ACOT11: variants seen among roughly 807,000 people sequenced by gnomAD.
ACOT11 encodes acyl-CoA thioesterase 11.
A neutral mutation model predicts 77.5 loss-of-function variants in ACOT11; 69 were observed. That is an observed-to-expected ratio of 0.89 (90% CI 0.73 to 1.09). ACOT11 has a LOEUF of 1.09. Among genes scored for constraint, ACOT11 ranks in the 50% least tolerant of loss-of-function variants. ACOT11 has a pLI of 0.00. For synonymous variants in ACOT11, 279 were observed against 313.0 expected (o/e 0.89, Z 1.15); for missense variants, 766 against 813.7 (o/e 0.94, Z 0.71).
At chr1:54,594,129 T>G in intron 5 of ACOT11, 90 bp downstream of exon 5, 1 of 1,201,936 alleles carries the variant, frequency 8.3e-7, no homozygotes, top group Non-Finnish European at 1.2e-6. Context: ...AGGTTAGGGG[T>G]TGGCAGAGGG....
chr1:54,611,028 T>C, downstream of ACOT11: 1 of 985,296 alleles, frequency 1.0e-6, no homozygotes. Context: ...GGGTTTGGAA[T>C]TTGCTGGTTT....
intron 15 of ACOT11, among the ~76,000 whole-genome samples, chr1:54,617,843 C>A (rs1644189974): frequency 1.3e-5 from 2 of 150,698 alleles, no homozygotes; most frequent in Non-Finnish European, 2.9e-5. Flanking sequence ...CCTGCCTCAG[C>A]CTCCTGAGTA....
chr1:54,605,835 T>G (rs1370740440), intron 13 of ACOT11, among the ~76,000 whole-genome samples: 1 of 152,214 alleles, frequency 6.6e-6, no homozygotes, highest in African/African-American at 2.4e-5. Context: ...ATAAATATGT[T>G]CTTAGGAAAA....
At chr1:54,595,281 G>T (rs1654859223) in intron 6 of ACOT11, among the ~76,000 whole-genome samples, 1 of 150,960 alleles carries the variant, frequency 6.6e-6, no homozygotes, top group African/African-American at 2.4e-5. Context: ...GGGAGGCGGA[G>T]ATTGCAGTGA....
rs1232444998 is a variant in ACOT11, at chr1:54,609,001, G to A, written c.1674G>A (p.Val558=). 6.2e-7 allele frequency: 1 copy of A among 1,613,922 alleles called. No individual in the cohort carries two copies. The highest frequency in any genetic ancestry group is 8.5e-7 in the Non-Finnish European group (1 of 1,179,970). The part of the protein sequence containing the change: ...NQATPGVLNY[V]TTNVAGLSSE... ...CCACCCCAGGTGTTCTCAACTATGT[G>A]ACCACCAACGTGGCCGGCCTCTCCT... Residue 558 remains valine, a synonymous_variant, in exon 16 of 16, where the codon GTG becomes GTA. Transcript: ENST00000343744.
At position 54,548,455 on chromosome 1, in the gene ACOT11, G is replaced by A. The variant is rs528580616; in HGVS notation, c.33+113G>A. ...CTGCATCTCCTCACACTCTCCACGGGCCATTTTCTAGCTCTCTTTGGAAGG... is the reference window on the plus strand; with the variant it reads ...CTGCATCTCCTCACACTCTCCACGGACCATTTTCTAGCTCTCTTTGGAAGG... On this transcript the variant is annotated intron_variant, in intron 1 of 15. Coordinates refer to ENST00000343744, the MANE Select transcript of ACOT11 (RefSeq NM_147161.4). 284 of 1,316,972 alleles carry A rather than the reference G, an allele frequency of 2.2e-4. 1 individual carries two copies. In the African/African-American group the frequency reaches 3.6e-3, roughly 17 times the overall value. The allele number at this position is 1,316,972 out of a possible 1,614,324, so 81.6% of individuals were successfully genotyped here. A position where few individuals can be genotyped will look rare whatever the true frequency, so the allele number is the denominator to read the frequency against.
intron 1 of ACOT11, among the ~76,000 whole-genome samples, chr1:54,552,038 G>C (rs1199296888): frequency 1.3e-5 from 2 of 152,136 alleles, no homozygotes; most frequent in East Asian, 3.9e-4. Flanking sequence ...AGTGTGGGGA[G>C]GTTCAGGCAC....
intron 12 of ACOT11, 135 bp downstream of exon 12, chr1:54,604,564 A>C (rs899017983): frequency 1.5e-5 from 13 of 845,630 alleles, no homozygotes; most frequent in Middle Eastern, 2.2e-4. Context: ...TCAAGAAACC[A>C]GTCCAGTTAT....
At chr1:54,619,826 T>C (rs11206396) in intron 15 of ACOT11, 746,312 of 1,604,722 alleles carry the variant, frequency 0.47, 178,729 homozygotes, top group African/African-American at 0.66. Flanking sequence ...TCTCTATCCC[T>C]TGCCCTGGCC....
At chr1:54,558,662 T>TCTGAGCAGCTGAATAGGGGCC (rs1653354685) in intron 1 of ACOT11, among the ~76,000 whole-genome samples, 1 of 152,162 alleles carries the variant, frequency 6.6e-6, no homozygotes, top group Non-Finnish European at 1.5e-5. Flanking sequence ...GCTTGGTGCA[T>TCTGAGCAGCTGAATAGGGGCC]CTGAGCAGCT....
intron 15 of ACOT11, among the ~76,000 whole-genome samples, chr1:54,625,396 C>G (rs115814808): frequency 0.027 from 4,081 of 152,152 alleles, 177 homozygotes; most frequent in African/African-American, 0.094. Context: ...TTTTGTGAGT[C>G]CCCTTTCTTA....
intron 1 of ACOT11, among the ~76,000 whole-genome samples, chr1:54,554,791 C>G (rs1317893688): frequency 6.6e-6 from 1 of 152,106 alleles, no homozygotes; most frequent in Non-Finnish European, 1.5e-5. Flanking sequence ...TGGCTATATA[C>G]CCAGTAGTGG....
chr1:54,623,477 G>T, intron 15 of ACOT11: 1 of 1,018,894 alleles, frequency 9.8e-7, no homozygotes, highest in Non-Finnish European at 1.5e-6. Flanking sequence ...CCTGTGGGAG[G>T]CAGGAGCTCC....
chr1:54,612,131 T>G (rs1569782724), downstream of ACOT11, among the ~76,000 whole-genome samples: 4 of 148,078 alleles, frequency 2.7e-5, no homozygotes, highest in African/African-American at 5.0e-5. Flanking sequence ...GGCAGGGGAG[T>G]CTCTAAATTC....
chr1:54,602,787 C>A lies in ACOT11; in HGVS notation c.1085+63C>A. On this transcript the variant is annotated intron_variant, in intron 10 of 15. Coordinates refer to ENST00000343744, the MANE Select transcript of ACOT11 (RefSeq NM_147161.4). ...GGGGCTGTTCACGCTCCGCTGACCC[C>A]AGGGCACTCGCTTTTCTTCAGAGCT... The A allele has an allele frequency of 1.5e-5, 21 of 1,429,794 alleles. 1 individual carries two copies. The Middle Eastern group carries it at 7.4e-4, about 50-fold the overall frequency. The allele number at this position is 1,429,794 out of a possible 1,614,324, so 88.6% of individuals were successfully genotyped here.
chr1:54,575,311 C>G (rs900587672), intron 1 of ACOT11, among the ~76,000 whole-genome samples: 2 of 152,184 alleles, frequency 1.3e-5, no homozygotes, highest in Non-Finnish European at 2.9e-5. Context: ...CCTCCCTACT[C>G]CCCCAGGCCC....
intron 3 of ACOT11, among the ~76,000 whole-genome samples, chr1:54,592,189 G>A (rs533159629): frequency 6.6e-6 from 1 of 152,318 alleles, no homozygotes; most frequent in East Asian, 1.9e-4. Flanking sequence ...CAGGGCCTCT[G>A]TTGGTGGGTG....
chr1:54,586,698 T>A (rs569958123), intron 3 of ACOT11, among the ~76,000 whole-genome samples: 1 of 152,306 alleles, frequency 6.6e-6, no homozygotes, highest in African/African-American at 2.4e-5. Flanking sequence ...CCTCCCAAAG[T>A]GCTGGGATTA....
intron 3 of ACOT11, among the ~76,000 whole-genome samples, chr1:54,591,805 C>T (rs1438045792): frequency 6.6e-6 from 1 of 152,226 alleles, no homozygotes; most frequent in African/African-American, 2.4e-5. Context: ...CTGGCTCTGC[C>T]ACTTTTTAGC....
Sources: allele counts gnomAD v4.1 joint callset (sites outside exome capture counted in the v4.1 genomes callset), GRCh38; gene constraint gnomAD v4.1.1; transcripts MANE v1.5; gene names NCBI Gene and HGNC (gene_info 2026-07-23, HGNC 2026-07-21).